The following VCPIP1 variants were observed in gnomAD, a reference collection of about 807,000 sequenced individuals.
VCPIP1 encodes valosin containing protein interacting protein 1, also known as deubiquitinating protein VCPIP1.
VCPIP1 carries 8 observed loss-of-function variants against 85.0 expected under a neutral mutation model. That is an observed-to-expected ratio of 0.09 (90% CI 0.06 to 0.17). The LOEUF (loss-of-function observed/expected upper bound fraction) is 0.17, where lower values mean the gene tolerates loss of function less well. Among genes scored for constraint, VCPIP1 ranks in the 10% least tolerant of loss-of-function variants. The pLI is 1.00. For missense variants in VCPIP1, 1,070 were observed against 1,486.3 expected (o/e 0.72, Z 4.61); for synonymous variants, 543 against 544.5 (o/e 1.00, Z 0.04).
At chr8:66,646,279 G>A (rs536959555) in intron 2 of VCPIP1, among the ~76,000 whole-genome samples, 50 of 151,906 alleles carry the variant, frequency 3.3e-4, no homozygotes, top group Admixed American at 2.8e-3. Flanking sequence ...CACAGTGTTG[G>A]CCAGGCTGGT....
At chr8:66,639,249 T>C (rs578185444) in intron 2 of VCPIP1, among the ~76,000 whole-genome samples, 1 of 150,812 alleles carries the variant, frequency 6.6e-6, no homozygotes, top group South Asian at 2.1e-4. Flanking sequence ...CCTCCCACAA[T>C]GCTGGGAATA....
At chr8:66,646,882 G>A (rs771164009) in intron 2 of VCPIP1, among the ~76,000 whole-genome samples, 8 of 150,692 alleles carry the variant, frequency 5.3e-5, no homozygotes, top group South Asian at 2.1e-4. Context: ...AAAATTAGCC[G>A]GGTGTGGTGG....
Position 66,635,109 on chromosome 8 carries a change from T to C in VCPIP1, c.3061A>G (p.Asn1021Asp), listed in dbSNP as rs1306626473. 6.2e-7 allele frequency: 1 copy of C among 1,614,210 alleles called. No individual in the cohort carries two copies. The highest frequency in any genetic ancestry group is 1.1e-5 in the South Asian group (1 of 91,084). ...CCTTTTCCCTGAAAGGCAGTTACGT[T>C]ATGAAGTTGCTCAGATTTCTTTTTC... ...VVKKKSEQLH[N>D]VTAFQGKGHS... is the part of the protein sequence containing the mutation. The change falls in exon 3 of 3, where the codon AAC becomes GAC. Residue 1021 changes from asparagine (N) to aspartate (D), a missense_variant. Around this residue, in one of 8 missense-constraint regions of VCPIP1, gnomAD observed 255 missense variants for 289.5 expected, o/e 0.88. Coordinates refer to ENST00000310421, the MANE Select transcript of VCPIP1 (RefSeq NM_025054.5).
At position 66,665,778 on chromosome 8, in the gene VCPIP1, T is replaced by C. The variant is rs1159385340; in HGVS notation, c.1181A>G (p.Asp394Gly). The change falls in exon 1 of 3, where the codon GAT (aspartate) becomes GGT (glycine). Residue 394 changes from aspartate to glycine, a missense_variant. Around this residue, in one of 8 missense-constraint regions of VCPIP1, gnomAD observed 83 missense variants for 134.6 expected, o/e 0.62. Coordinates refer to ENST00000310421, the MANE Select transcript of VCPIP1 (RefSeq NM_025054.5). This position sits in a 1 kb window ranked among gnomAD's most constrained non-coding sequence, Gnocchi z 4.3. ...LIKKYIKLEE[D>G]GGCVIGGDRS... is the part of the protein sequence containing the mutation. ...GTCACCTCCAATAACACAACCACCATCCTCTTCAAGTTTTATGTACTTTTT... is the reference window on the plus strand; with the variant it reads ...GTCACCTCCAATAACACAACCACCACCCTCTTCAAGTTTTATGTACTTTTT... The C allele has an allele frequency of 1.9e-6, 3 of 1,614,138 alleles. No homozygotes were observed. The highest frequency in any genetic ancestry group is 3.3e-5 in the Admixed American group (2 of 60,020).
rs1441633386 is a variant in VCPIP1 at position 66,633,945 on chromosome 8, A to T, written c.*556T>A. On this transcript the variant is annotated 3_prime_UTR_variant, in exon 3 of 3. Transcript: ENST00000310421. ...TGTTATATCGTTACATTCTATTCTC[A>T]AGATATTTTCGCCAAGAAATCTCTA... is the stretch of plus-strand genomic sequence containing the variant. 1 of 152,268 alleles carries T rather than the reference A, an allele frequency of 6.6e-6. No individual in the cohort carries two copies. Among genetic ancestry groups the T allele is most frequent in the African/African-American group, 2.4e-5 (1 of 41,458 alleles). 9.4% of individuals were successfully genotyped at this position (152,268 alleles called of 1,614,324 possible).
In VCPIP1 at chr8:66,665,167, A is replaced by T; in HGVS notation, c.1792T>A (p.Trp598Arg). 1 of 1,612,164 alleles carries T rather than the reference A, an allele frequency of 6.2e-7. No homozygotes were observed. The highest frequency in any genetic ancestry group is 8.5e-7 in the Non-Finnish European group (1 of 1,178,792). Residue 598 changes from tryptophan (W) to arginine (R), a missense_variant, in exon 1 of 3, where the codon TGG becomes AGG. Physicochemically the swap from Trp to Arg is moderately radical, Grantham distance 101. Transcript: ENST00000310421. The surrounding 1 kb of genome is among the most constrained non-coding windows in gnomAD (Gnocchi z 4.3). ...LPEAFPITLE[W>R]GGRVVRETVY... is the part of the protein sequence containing the mutation. ...GTTTCTCTGACCACTCTTCCACCCC[A>T]TTCTAAAGTAATAGGGAAAGCTTCT...
intron 1 of VCPIP1, among the ~76,000 whole-genome samples, chr8:66,656,280 G>C (rs902795851): frequency 1.3e-5 from 2 of 151,888 alleles, no homozygotes; most frequent in African/African-American, 4.8e-5. Flanking sequence ...CCGCAGCCTT[G>C]ATCTCCTGAA....
intron 2 of VCPIP1, among the ~76,000 whole-genome samples, chr8:66,635,654 G>A (rs2130143155): frequency 6.6e-6 from 1 of 152,110 alleles, no homozygotes; most frequent in East Asian, 1.9e-4. Context: ...GCTCACACAT[G>A]TAAACCCAGC....
chr8:66,667,025 C>G lies in VCPIP1; in HGVS notation c.-67G>C, dbSNP rs1048994457. On this transcript the variant is annotated 5_prime_UTR_variant, in exon 1 of 3. Coordinates refer to ENST00000310421, the MANE Select transcript of VCPIP1 (RefSeq NM_025054.5). ...CTCAAAAGCTCATAGCCCAGACCCC[C>G]ACCAACCCGACTCGGTCCAGTCCAG... The G allele has an allele frequency of 2.1e-6, 3 of 1,445,038 alleles. No homozygotes were observed. The African/African-American group carries it at 4.3e-5, about 21-fold the overall frequency. The allele number at this position is 1,445,038 out of a possible 1,614,324, so 89.5% of individuals were successfully genotyped here.
At chr8:66,657,456 C>T (rs376974754) in intron 1 of VCPIP1, among the ~76,000 whole-genome samples, 14 of 152,260 alleles carry the variant, frequency 9.2e-5, no homozygotes, top group Non-Finnish European at 1.8e-4. Context: ...CCCTTCCTGA[C>T]GTAATCCTCA....
intron 2 of VCPIP1, among the ~76,000 whole-genome samples, chr8:66,648,415 A>T (rs1586625514): frequency 6.6e-6 from 1 of 152,072 alleles, no homozygotes; most frequent in East Asian, 1.9e-4. Flanking sequence ...ATCTAATCTA[A>T]TCTATCTAAT....
At chr8:66,639,917 A>G (rs1017524036) in intron 2 of VCPIP1, among the ~76,000 whole-genome samples, 1 of 152,040 alleles carries the variant, frequency 6.6e-6, no homozygotes, top group African/African-American at 2.4e-5. Flanking sequence ...ATATGGACAC[A>G]AAGAGGGGAA....
Position 66,629,016 on chromosome 8 carries a change from A to G in VCPIP1, c.*5485T>C, listed in dbSNP as rs1189999469. 3.3e-5 allele frequency: 5 copies of G among 152,240 alleles called. No homozygotes were observed. Among genetic ancestry groups the G allele is most frequent in the Non-Finnish European group, 7.3e-5 (5 of 68,042 alleles). The allele number at this position is 152,240 out of a possible 1,614,324, so 9.4% of individuals were successfully genotyped here. A position where few individuals can be genotyped will look rare whatever the true frequency, so the allele number is the denominator to read the frequency against. On this transcript the variant is annotated 3_prime_UTR_variant, in exon 3 of 3. Transcript: ENST00000310421. The stretch of plus-strand genomic sequence containing the variant: ...TTTTAGTCAATTATGTACAAGTAAA[A>G]TAAGTTTTAATGTAACAAATTATTT...
chr8:66,652,388 C>G lies in VCPIP1; in HGVS notation c.2711-844G>C, dbSNP rs1177813339. On this transcript the variant is annotated intron_variant, in intron 1 of 2. Coordinates refer to ENST00000310421, the MANE Select transcript of VCPIP1 (RefSeq NM_025054.5). ...CAGCACTTTGGGAGGCCCAGGCAGG[C>G]AGATCACCTGAGGTCAGGAGTTCGA... Among the ~76,000 whole-genome samples the G allele has an allele frequency of 2.0e-5, 3 of 152,180 alleles. No individual in the cohort carries two copies. In the East Asian group the frequency reaches 5.8e-4, roughly 29 times the overall value.
At chr8:66,662,737 C>T (rs781218197) in intron 1 of VCPIP1, among the ~76,000 whole-genome samples, 13 of 150,990 alleles carry the variant, frequency 8.6e-5, no homozygotes, top group African/African-American at 3.2e-4. Context: ...GCTGGAGTGC[C>T]GTGGCGCGAT....
At chr8:66,661,989 G>A (rs909599295) in intron 1 of VCPIP1, among the ~76,000 whole-genome samples, 6 of 151,044 alleles carry the variant, frequency 4.0e-5, no homozygotes, top group East Asian at 2.0e-4. Flanking sequence ...GGATGGTCTC[G>A]AACTCCTGAC....
intron 1 of VCPIP1, among the ~76,000 whole-genome samples, chr8:66,654,213 C>T (rs942379839): frequency 2.0e-5 from 3 of 152,248 alleles, no homozygotes; most frequent in Non-Finnish European, 4.4e-5. Flanking sequence ...GCCAGGCTCA[C>T]GCCTGTAATC....
At chr8:66,635,843 G>A (rs890086056) in intron 2 of VCPIP1, among the ~76,000 whole-genome samples, 3 of 150,552 alleles carry the variant, frequency 2.0e-5, no homozygotes, top group Non-Finnish European at 4.4e-5. Flanking sequence ...AACCTGGGAG[G>A]CAGAGGTTGC....
Position 66,635,025 on chromosome 8 carries a change from A to G in VCPIP1, c.3145T>C (p.Ser1049Pro). 1 of 1,613,500 alleles carries G rather than the reference A, an allele frequency of 6.2e-7. No individual in the cohort carries two copies. The highest frequency in any genetic ancestry group is 8.5e-7 in the Non-Finnish European group (1 of 1,179,598). The change falls in exon 3 of 3, where the codon TCA becomes CCA. Residue 1049 changes from serine to proline, a missense_variant. Around this residue, in one of 8 missense-constraint regions of VCPIP1, gnomAD observed 255 missense variants for 289.5 expected, o/e 0.88. Transcript: ENST00000310421. The part of the protein sequence containing the change: ...PHLDPRARET[S>P]VVRKHNTGTD... ...CCTGTATTATGCTTTCTTACAACTGAAGTTTCCCTAGCTCTTGGATCAAGG... is the reference window on the plus strand; with the variant it reads ...CCTGTATTATGCTTTCTTACAACTGGAGTTTCCCTAGCTCTTGGATCAAGG...
Sources: allele counts gnomAD v4.1 joint callset (sites outside exome capture counted in the v4.1 genomes callset), GRCh38; gene constraint gnomAD v4.1.1; regional missense constraint gnomAD v4.1.1; non-coding constraint Gnocchi (gnomAD v3.1); transcripts MANE v1.5; gene names NCBI Gene and HGNC (gene_info 2026-07-23, HGNC 2026-07-21).